CA10: variants seen among roughly 807,000 people sequenced by gnomAD.
CA10 encodes carbonic anhydrase 10 (inactive), also known as carbonic anhydrase-related protein 10.
A neutral mutation model predicts 44.2 loss-of-function variants in CA10; 14 were observed. The ratio of observed to expected loss-of-function variants is 0.32; its 90% CI spans 0.21 to 0.50. The LOEUF (loss-of-function observed/expected upper bound fraction) is 0.50, where lower values mean the gene tolerates loss of function less well. Among genes scored for constraint, CA10 ranks in the 20% least tolerant of loss-of-function variants. The pLI, the probability that CA10 is intolerant of heterozygous loss-of-function variation, is 0.99. For missense variants in CA10, 350 were observed against 409.7 expected (o/e 0.85, Z 1.26); for synonymous variants, 159 against 141.6 (o/e 1.12, Z -0.87).
intron 3 of CA10, among the ~76,000 whole-genome samples, chr17:51,854,425 T>C (rs1296169858): frequency 6.6e-6 from 1 of 152,214 alleles, no homozygotes; most frequent in Non-Finnish European, 1.5e-5. Flanking sequence ...TCCATGCAAT[T>C]TGTAAGTTAA....
chr17:52,039,925 C>A (rs1986722327), intron 2 of CA10, among the ~76,000 whole-genome samples: 1 of 151,920 alleles, frequency 6.6e-6, no homozygotes, highest in African/African-American at 2.4e-5. Context: ...GAGGACATAG[C>A]AGATAAACAG....
At chr17:51,876,830 A>G (rs1215853441) in intron 3 of CA10, among the ~76,000 whole-genome samples, 2 of 152,216 alleles carry the variant, frequency 1.3e-5, no homozygotes, top group African/African-American at 2.4e-5. Context: ...ACCATTTTGC[A>G]TTCCCCCAGC....
In CA10 at chr17:51,805,177, ATG is replaced by A. The variant is rs148978781; in HGVS notation, c.280-57361_280-57360del. Among the ~76,000 whole-genome samples the A allele has an allele frequency of 3.6e-3, 552 of 152,338 alleles. 2 individuals are homozygous for A. The highest frequency in any genetic ancestry group is 0.013 in the African/African-American group (539 of 41,572). On this transcript the variant is annotated intron_variant, in intron 3 of 8. Transcript: ENST00000451037. ...CACTCTGGGCAGTTGTTTGGCAAGC[ATG>A]CCATGTTAACATGCCATGTTCTTTC... is the stretch of plus-strand genomic sequence containing the variant.
chr17:51,756,237 A>G (rs1905074218), intron 3 of CA10, among the ~76,000 whole-genome samples: 1 of 152,116 alleles, frequency 6.6e-6, no homozygotes, highest in Non-Finnish European at 1.5e-5. Context: ...TTCCATCATC[A>G]TCTCATTTCA....
intron 2 of CA10, among the ~76,000 whole-genome samples, chr17:52,067,388 A>T (rs1987565926): frequency 6.6e-6 from 1 of 152,174 alleles, no homozygotes; most frequent in South Asian, 2.1e-4. Context: ...AAGTTTAGGA[A>T]CCTCTGCCCA....
At chr17:51,875,688 T>G (rs1008979564) in intron 3 of CA10, among the ~76,000 whole-genome samples, 31 of 151,744 alleles carry the variant, frequency 2.0e-4, no homozygotes, top group Admixed American at 9.9e-4. Context: ...GTTTATTTTT[T>G]GGGGGGGGTA....
At chr17:51,649,071 G>T in intron 6 of CA10, 111 bp downstream of exon 6, 1 of 718,946 alleles carries the variant, frequency 1.4e-6, no homozygotes. Flanking sequence ...AGAACTGCAG[G>T]ATCATGAAAC....
At chr17:51,785,953 C>T (rs1337566789) in intron 3 of CA10, among the ~76,000 whole-genome samples, 2 of 152,148 alleles carry the variant, frequency 1.3e-5, no homozygotes, top group Non-Finnish European at 2.9e-5. Flanking sequence ...AATATCTTTC[C>T]ACTTTCCATT....
At chr17:51,758,296 A>C (rs1157362463) in intron 3 of CA10, among the ~76,000 whole-genome samples, 2 of 152,256 alleles carry the variant, frequency 1.3e-5, no homozygotes, top group Non-Finnish European at 2.9e-5. Flanking sequence ...CTCTTCAAAT[A>C]ATACATGATT....
chr17:51,950,748 C>G (rs1179225900), intron 2 of CA10, among the ~76,000 whole-genome samples: 1 of 152,110 alleles, frequency 6.6e-6, no homozygotes, highest in Non-Finnish European at 1.5e-5. Flanking sequence ...TTTGAGCATG[C>G]CATCTGTTTC....
intron 3 of CA10, among the ~76,000 whole-genome samples, chr17:51,913,285 G>C (rs991158172): frequency 6.6e-6 from 1 of 152,126 alleles, no homozygotes; most frequent in African/African-American, 2.4e-5. Flanking sequence ...AAAAGCAGGG[G>C]GGAGGAAATG....
intron 3 of CA10, among the ~76,000 whole-genome samples, chr17:51,774,664 G>A (rs547941374): frequency 1.6e-4 from 24 of 152,008 alleles, no homozygotes; most frequent in Non-Finnish European, 3.4e-4. Flanking sequence ...GGCTGGTCTC[G>A]AACTCCTGAG....
chr17:51,686,084 T>TC (rs1031719076), intron 4 of CA10, among the ~76,000 whole-genome samples: 7 of 124,928 alleles, frequency 5.6e-5, no homozygotes, highest in Non-Finnish European at 1.1e-4. Flanking sequence ...GAATCATGGG[T>TC]CGGGGGGGGC....
intron 3 of CA10, among the ~76,000 whole-genome samples, chr17:51,844,833 AC>A (rs1347207074): frequency 3.9e-5 from 6 of 152,154 alleles, no homozygotes; most frequent in African/African-American, 1.4e-4. Context: ...GCATAGAAAC[AC>A]CCACACCCAC....
At position 51,745,590 on chromosome 17, in the gene CA10, A is replaced by G. The variant is rs193286670; in HGVS notation, c.465+2043T>C. ...AATTCATACACTAAGAGATCAAATT[A>G]CTATATGTTTCCCTTAAGGATTTTG... On this transcript the variant is annotated intron_variant, in intron 4 of 8. Transcript: ENST00000451037. Among the ~76,000 whole-genome samples, 5 of 152,298 alleles carry G rather than the reference A, an allele frequency of 3.3e-5. No homozygotes were observed. In the East Asian group the frequency reaches 7.7e-4, roughly 24 times the overall value.
At chr17:51,841,081 G>A (rs1233633384) in intron 3 of CA10, among the ~76,000 whole-genome samples, 1 of 152,166 alleles carries the variant, frequency 6.6e-6, no homozygotes, top group Admixed American at 6.5e-5. Flanking sequence ...CTTTCCTGGA[G>A]AGAACCAGTT....
chr17:51,789,203 AG>A (rs1192218788), intron 3 of CA10, among the ~76,000 whole-genome samples: 11 of 152,160 alleles, frequency 7.2e-5, no homozygotes, highest in African/African-American at 2.7e-4. Context: ...TTTAGTAGAG[AG>A]GGGGTTTCAC....
chr17:51,735,924 AG>A (rs1353677809), intron 4 of CA10, among the ~76,000 whole-genome samples: 1 of 151,772 alleles, frequency 6.6e-6, no homozygotes, highest in Admixed American at 6.6e-5. Context: ...TGCCGGGGCT[AG>A]GGTAGGAGGG....
chr17:51,917,928 T>C (rs1982069366), intron 3 of CA10, among the ~76,000 whole-genome samples: 1 of 152,088 alleles, frequency 6.6e-6, no homozygotes, highest in Non-Finnish European at 1.5e-5. Flanking sequence ...ACTTCCCCCA[T>C]TCCCTGGCAG....
Sources: gnomAD v4.1 joint callset for allele counts (sites outside exome capture counted in the v4.1 genomes callset) on GRCh38, gnomAD v4.1.1 for gene constraint, MANE v1.5 for transcripts, NCBI Gene and HGNC (gene_info 2026-07-23, HGNC 2026-07-21) for gene names.